Variants in LRRIQ1 observed in about 807,000 individuals in gnomAD.
LRRIQ1 encodes the protein leucine-rich repeat- and IQ domain-containing protein 1.
A neutral mutation model predicts 211.9 loss-of-function variants in LRRIQ1; 210 were observed. The ratio of observed to expected loss-of-function variants is 0.99; its 90% CI spans 0.89 to 1.11. The LOEUF (loss-of-function observed/expected upper bound fraction) is 1.11, where lower values mean the gene tolerates loss of function less well. Ranked by LOEUF, LRRIQ1 falls within the 50% of genes most tolerant of loss-of-function variation. The pLI is 0.00. For synonymous variants in LRRIQ1, 699 were observed against 650.1 expected, an observed-to-expected ratio of 1.08 and a Z score of -1.14; for missense variants, 2,136 against 1,939.5, an observed-to-expected ratio of 1.10 and a Z score of -1.90.
chr12:85,216,924 G>A (rs1894115656), intron 24 of LRRIQ1, among the ~76,000 whole-genome samples: 1 of 151,932 alleles, frequency 6.6e-6, no homozygotes, highest in Admixed American at 6.6e-5. Flanking sequence ...TAAATATTCA[G>A]CCAGCTATAG....
intron 24 of LRRIQ1, among the ~76,000 whole-genome samples, chr12:85,164,259 G>A (rs879306077): frequency 6.6e-6 from 1 of 152,066 alleles, no homozygotes. Context: ...ACTTGCATAA[G>A]AACAAGCATA....
intron 26 of LRRIQ1, among the ~76,000 whole-genome samples, chr12:85,233,417 T>C (rs908941453): frequency 6.6e-6 from 1 of 152,058 alleles, no homozygotes; most frequent in African/African-American, 2.4e-5. Context: ...GACAGAAGTG[T>C]GTGGCCTTTT....
chr12:85,220,492 G>A (rs1453245771), intron 24 of LRRIQ1, among the ~76,000 whole-genome samples: 1 of 151,732 alleles, frequency 6.6e-6, no homozygotes, highest in Admixed American at 6.6e-5. Context: ...AATTTAAAAA[G>A]TACTTCATTT....
chr12:85,267,310 C>A (rs1896441057), downstream of LRRIQ1, among the ~76,000 whole-genome samples: 1 of 151,868 alleles, frequency 6.6e-6, no homozygotes, highest in East Asian at 1.9e-4. Flanking sequence ...TCTAATATAT[C>A]CAACAGATAC....
rs200973378 is a variant in LRRIQ1, at chr12:85,208,203, C to CA, written c.4823-21304dup. On this transcript the variant is annotated intron_variant, in intron 24 of 26. Transcript: ENST00000393217. ...CTTGAAGTTAGGTAATATCCATTGTCAAAAAAAAAAGAAATGAAAGTTGAT... is the reference window on the plus strand; with the variant it reads ...CTTGAAGTTAGGTAATATCCATTGTCAAAAAAAAAAAGAAATGAAAGTTGAT... 8.0e-3 allele frequency among the ~76,000 whole-genome samples: 1,127 copies of CA among 141,714 alleles called. 14 individuals are homozygous for CA. Among genetic ancestry groups the CA allele is most frequent in the African/African-American group, 0.026 (1,010 of 38,606 alleles). 93.0% of individuals were successfully genotyped at this position (141,714 alleles called of 152,430 possible).
rs1565836769 is a variant in LRRIQ1, at chr12:85,106,485, G to A, written c.3284-37G>A. 2.2e-6 allele frequency: 3 copies of A among 1,379,256 alleles called. No individual in the cohort carries two copies. The South Asian group carries it at 3.5e-5, about 16-fold the overall frequency. 85.4% of individuals were successfully genotyped at this position (1,379,256 alleles called of 1,614,324 possible). ...GATTTATGATATTTGTTCTAAATCT[G>A]TGATGATACCTTTCAAAATGATTTT... On this transcript the variant is annotated intron_variant, in intron 14 of 26. Transcript: ENST00000393217.
At chr12:85,150,783 AT>A (rs34622181) in intron 19 of LRRIQ1, among the ~76,000 whole-genome samples, 50,293 of 151,068 alleles carry the variant, frequency 0.33, 8,851 homozygotes, top group East Asian at 0.44. Context: ...CCAATAACGC[AT>A]TTTTTTTAAC....
intron 24 of LRRIQ1, among the ~76,000 whole-genome samples, chr12:85,218,992 T>A (rs1182142284): frequency 1.3e-5 from 2 of 152,140 alleles, no homozygotes; most frequent in Non-Finnish European, 2.9e-5. Flanking sequence ...TCTTAATCAC[T>A]GAGGTTTTTT....
At chr12:85,251,228 A>G (rs906723993) in intron 1 of LRRIQ1, among the ~76,000 whole-genome samples, 4 of 151,160 alleles carry the variant, frequency 2.6e-5, no homozygotes, top group African/African-American at 9.7e-5. Flanking sequence ...GAGGAAAAGC[A>G]TAAGGACTGA....
At chr12:85,086,609 C>A (rs1223027855) in intron 11 of LRRIQ1, among the ~76,000 whole-genome samples, 2 of 116,930 alleles carry the variant, frequency 1.7e-5, no homozygotes, top group Admixed American at 9.1e-5. Flanking sequence ...TTAGGTATTT[C>A]TTTTCTTTTT....
At chr12:85,239,612 C>T (rs1235092748) in intron 26 of LRRIQ1, among the ~76,000 whole-genome samples, 2 of 151,830 alleles carry the variant, frequency 1.3e-5, no homozygotes, top group African/African-American at 4.8e-5. Context: ...AATCTTGACT[C>T]CTACTTCTCA....
chr12:85,074,822 C>A (rs1883465652), intron 11 of LRRIQ1, among the ~76,000 whole-genome samples: 1 of 151,868 alleles, frequency 6.6e-6, no homozygotes, highest in African/African-American at 2.4e-5. Flanking sequence ...CATGGAAAAC[C>A]TTTAGTCCTT....
chr12:85,235,382 C>T (rs1895129673), intron 26 of LRRIQ1, among the ~76,000 whole-genome samples: 1 of 152,138 alleles, frequency 6.6e-6, no homozygotes, highest in Admixed American at 6.6e-5. Flanking sequence ...TTCAGCAGAG[C>T]TTTCCAAAAC....
chr12:85,257,116 TAC>T (rs1290868000), intron 1 of LRRIQ1, among the ~76,000 whole-genome samples: 1 of 116,314 alleles, frequency 8.6e-6, no homozygotes, highest in Non-Finnish European at 1.7e-5. Context: ...TATATATAAT[TAC>T]ATAATATATA....
chr12:85,247,145 T>C (rs1895748426), downstream of LRRIQ1, among the ~76,000 whole-genome samples: 1 of 151,602 alleles, frequency 6.6e-6, no homozygotes, highest in Non-Finnish European at 1.5e-5. Context: ...TGGTTCAGCT[T>C]ATAAAAAACC....
intron 26 of LRRIQ1, among the ~76,000 whole-genome samples, chr12:85,244,030 C>A (rs1895597329): frequency 6.6e-6 from 1 of 151,478 alleles, no homozygotes; most frequent in South Asian, 2.1e-4. Flanking sequence ...GCTTTGCTTT[C>A]CCTCATGGCA....
At chr12:85,087,535 G>A (rs928723940) in intron 11 of LRRIQ1, among the ~76,000 whole-genome samples, 3 of 152,156 alleles carry the variant, frequency 2.0e-5, no homozygotes, top group African/African-American at 7.2e-5. Context: ...TTCCACAATG[G>A]TTGAACTAGT....
chr12:85,142,538 C>T (rs1565865190), intron 19 of LRRIQ1, among the ~76,000 whole-genome samples: 2 of 151,602 alleles, frequency 1.3e-5, no homozygotes, highest in East Asian at 1.9e-4. Flanking sequence ...CATCATGTTG[C>T]ATAACAGATC....
intron 24 of LRRIQ1, among the ~76,000 whole-genome samples, chr12:85,169,968 A>G (rs1416711542): frequency 1.3e-5 from 2 of 152,170 alleles, no homozygotes; most frequent in African/African-American, 4.8e-5. Context: ...TCTAGGCAGT[A>G]TCACATCATT....
Sources: allele counts gnomAD v4.1 joint callset (sites outside exome capture counted in the v4.1 genomes callset), GRCh38; gene constraint gnomAD v4.1.1; transcripts MANE v1.5; gene names NCBI Gene and HGNC (gene_info 2026-07-23, HGNC 2026-07-21).